Variants in GPC6 observed in about 807,000 individuals in gnomAD.
GPC6 encodes the protein glypican-6.
In GPC6, 14 loss-of-function variants were observed where a neutral mutation model predicts 55.2. The observed-to-expected ratio is 0.25, with a 90% CI of 0.17 to 0.40. The LOEUF (loss-of-function observed/expected upper bound fraction) is 0.40. Among genes scored for constraint, GPC6 ranks in the 10% least tolerant of loss-of-function variants. GPC6 has a pLI of 1.00. For synonymous variants in GPC6, 278 were observed against 259.6 expected, an observed-to-expected ratio of 1.07 and a Z score of -0.68; for missense variants, 641 against 708.5, an observed-to-expected ratio of 0.90 and a Z score of 1.08.
At chr13:94,370,878 TTC>T (rs1338340087) in intron 6 of GPC6, among the ~76,000 whole-genome samples, 5 of 152,232 alleles carry the variant, frequency 3.3e-5, no homozygotes, top group Admixed American at 6.5e-5. Flanking sequence ...GAAAAAGATA[TTC>T]TTTTTTATTT....
At chr13:93,882,919 G>A (rs955194656) in intron 3 of GPC6, among the ~76,000 whole-genome samples, 8 of 152,130 alleles carry the variant, frequency 5.3e-5, no homozygotes, top group African/African-American at 7.2e-5. Flanking sequence ...GTCATCTGTC[G>A]CAAGATAGGC....
chr13:94,317,306 G>A (rs1011809715), intron 6 of GPC6, among the ~76,000 whole-genome samples: 2 of 152,162 alleles, frequency 1.3e-5, no homozygotes, highest in Admixed American at 1.3e-4. Flanking sequence ...CCCCAAAGCA[G>A]CCAGCATTCA....
chr13:93,983,908 C>A (rs996535168), intron 3 of GPC6, among the ~76,000 whole-genome samples: 4 of 151,426 alleles, frequency 2.6e-5, no homozygotes, highest in Non-Finnish European at 4.4e-5. Context: ...GAGGAACTAA[C>A]AAATAAAATT....
At chr13:93,239,052 T>C (rs1318576129) in intron 1 of GPC6, among the ~76,000 whole-genome samples, 2 of 152,052 alleles carry the variant, frequency 1.3e-5, no homozygotes, top group Non-Finnish European at 2.9e-5. Context: ...ACAGTTTTAT[T>C]TTTTTGTCGT....
intron 3 of GPC6, among the ~76,000 whole-genome samples, chr13:94,002,486 CTTAAT>C: frequency 6.6e-6 from 1 of 152,254 alleles, no homozygotes; most frequent in African/African-American, 2.4e-5. Flanking sequence ...CTAGATTTAT[CTTAAT>C]TTATTCTAGA....
chr13:94,381,429 C>A (rs1015606587), intron 6 of GPC6, among the ~76,000 whole-genome samples: 10 of 152,124 alleles, frequency 6.6e-5, no homozygotes, highest in African/African-American at 2.4e-4. Flanking sequence ...CATCTTCTTC[C>A]TGTGTCTCTT....
intron 2 of GPC6, among the ~76,000 whole-genome samples, chr13:93,623,520 G>A (rs1339624090): frequency 7.2e-6 from 1 of 139,152 alleles, no homozygotes; most frequent in Non-Finnish European, 1.5e-5. Flanking sequence ...GTGCAGTGGT[G>A]CATTCTCAGC....
chr13:93,963,322 T>G (rs1176064419), intron 3 of GPC6, among the ~76,000 whole-genome samples: 1 of 152,158 alleles, frequency 6.6e-6, no homozygotes, highest in Non-Finnish European at 1.5e-5. Context: ...ATAAACTCTT[T>G]TACTCATTTG....
At chr13:94,355,210 G>C (rs1217139788) in intron 6 of GPC6, among the ~76,000 whole-genome samples, 2 of 152,022 alleles carry the variant, frequency 1.3e-5, no homozygotes, top group African/African-American at 4.8e-5. Flanking sequence ...TTTTAGTAGA[G>C]ACAGGGTTTC....
chr13:94,211,325 A>G (rs1394140631), intron 4 of GPC6, among the ~76,000 whole-genome samples: 1 of 152,204 alleles, frequency 6.6e-6, no homozygotes, highest in Non-Finnish European at 1.5e-5. Context: ...ATTGGATACA[A>G]TAACTAAGAT....
chr13:93,757,841 T>G (rs1260938777), intron 2 of GPC6, among the ~76,000 whole-genome samples: 1 of 152,108 alleles, frequency 6.6e-6, no homozygotes, highest in African/African-American at 2.4e-5. Flanking sequence ...TAAGCTGGGT[T>G]CAGAAAGGCC....
intron 3 of GPC6, among the ~76,000 whole-genome samples, chr13:93,867,909 T>G (rs1328053108): frequency 6.6e-6 from 1 of 151,740 alleles, no homozygotes; most frequent in Non-Finnish European, 1.5e-5. Context: ...AAAGCCTGTA[T>G]GGACCTGAAG....
chr13:94,132,586 A>T (rs541680136), intron 4 of GPC6, among the ~76,000 whole-genome samples: 1 of 152,324 alleles, frequency 6.6e-6, no homozygotes, highest in Admixed American at 6.5e-5. Flanking sequence ...GCCAAATAAT[A>T]GTACAACATT....
chr13:93,759,747 A>G (rs1440015113), intron 2 of GPC6, among the ~76,000 whole-genome samples: 2 of 152,168 alleles, frequency 1.3e-5, no homozygotes, highest in African/African-American at 4.8e-5. Context: ...ATTTCCAATA[A>G]TCAGTGAGAC....
At chr13:93,458,619 A>AT (rs1878561244) in intron 1 of GPC6, among the ~76,000 whole-genome samples, 2 of 152,144 alleles carry the variant, frequency 1.3e-5, no homozygotes, top group African/African-American at 4.8e-5. Flanking sequence ...ATTGGGGAAA[A>AT]TATTTGGTCG....
At chr13:94,097,539 A>G (rs1885712743) in intron 4 of GPC6, among the ~76,000 whole-genome samples, 1 of 149,928 alleles carries the variant, frequency 6.7e-6, no homozygotes, top group African/African-American at 2.4e-5. Context: ...GAGGCAAGTG[A>G]TTATTTAATA....
chr13:93,709,368 G>A (rs1882972739), intron 2 of GPC6, among the ~76,000 whole-genome samples: 1 of 151,720 alleles, frequency 6.6e-6, no homozygotes, highest in African/African-American at 2.4e-5. Context: ...TAGAGATTGA[G>A]AACATCTGGT....
intron 1 of GPC6, among the ~76,000 whole-genome samples, chr13:93,440,002 CACAG>C (rs757367777): frequency 3.3e-5 from 5 of 152,294 alleles, no homozygotes; most frequent in Non-Finnish European, 5.9e-5. Flanking sequence ...CAGTGTGTGG[CACAG>C]ACAATCAACA....
chr13:94,195,746 C>T (rs540281763), intron 4 of GPC6, among the ~76,000 whole-genome samples: 34 of 152,322 alleles, frequency 2.2e-4, no homozygotes, highest in African/African-American at 7.0e-4. Context: ...TCTAATGCAT[C>T]AGCCACCATC....
Sources: gnomAD v4.1 joint callset for allele counts (sites outside exome capture counted in the v4.1 genomes callset) on GRCh38, gnomAD v4.1.1 for gene constraint, MANE v1.5 for transcripts, NCBI Gene and HGNC (gene_info 2026-07-23, HGNC 2026-07-21) for gene names.